The following GRIA3 variants were observed in gnomAD, a reference collection of about 807,000 sequenced individuals.
GRIA3 encodes the protein glutamate ionotropic receptor AMPA type subunit 3, also known as glutamate receptor 3.
GRIA3 carries 3 observed loss-of-function variants against 63.0 expected under a neutral mutation model. The observed-to-expected ratio is 0.05, with a 90% CI of 0.02 to 0.12. The LOEUF is 0.12. Ranked by LOEUF, GRIA3 falls within the 10% of genes least tolerant of loss-of-function variation. GRIA3 has a pLI of 1.00. For synonymous variants in GRIA3, 274 were observed against 257.9 expected (o/e 1.06, Z -0.60); for missense variants, 347 against 700.9 (o/e 0.50, Z 5.70).
intron 2 of GRIA3, among the ~76,000 whole-genome samples, chrX:123,208,228 A>G (rs1927944705): frequency 8.9e-6 from 1 of 112,065 alleles, no homozygotes; most frequent in Non-Finnish European, 1.9e-5. Context: ...TGAAAATATG[A>G]GATTTGAAAA....
intron 12 of GRIA3, among the ~76,000 whole-genome samples, chrX:123,445,482 T>C (rs183018021): frequency 2.5e-3 from 276 of 112,335 alleles, no homozygotes; most frequent in African/African-American, 8.4e-3. Flanking sequence ...TGAAGCTCTT[T>C]TTACTGGTTT....
chrX:123,416,130 C>T lies in GRIA3; in HGVS notation c.1501-1272C>T, dbSNP rs1003012313. ...TAAATGACATAGTAAGTGTAATGTG[C>T]TTAGCAAAGTGCCTCATATAGAATA... On this transcript the variant is annotated intron_variant, in intron 10 of 15. Coordinates refer to ENST00000620443, the MANE Select transcript of GRIA3 (RefSeq NM_007325.5). Among the ~76,000 whole-genome samples the T allele has an allele frequency of 2.7e-5, 3 of 111,718 alleles. No individual in the cohort carries two copies. In the Admixed American group the frequency reaches 2.9e-4, roughly 11 times the overall value.
At chrX:123,403,661 TC>T in intron 9 of GRIA3, 142 bp downstream of exon 9, 1 of 518,534 alleles carries the variant, frequency 1.9e-6, no homozygotes, top group Non-Finnish European at 3.4e-6. Context: ...TCTCAAAGTA[TC>T]TTGCCATGAT....
At chrX:123,358,877 T>C (rs909240431) in intron 5 of GRIA3, 5 of 111,551 alleles carry the variant, frequency 4.5e-5, no homozygotes, top group Non-Finnish European at 7.5e-5. Flanking sequence ...TTTTCACCTA[T>C]GTCAGTAATG....
intron 5 of GRIA3, among the ~76,000 whole-genome samples, chrX:123,376,906 A>C (rs2045288010): frequency 1.0e-5 from 1 of 100,361 alleles, no homozygotes; most frequent in African/African-American, 3.6e-5. Context: ...TCCTCTTCTT[A>C]TCACTCCCCT....
chrX:123,406,736 T>A (rs1490850434), intron 10 of GRIA3, among the ~76,000 whole-genome samples: 1 of 111,199 alleles, frequency 9.0e-6, no homozygotes, highest in African/African-American at 3.3e-5. Flanking sequence ...AAGTGGCAGA[T>A]GAGATTCAAG....
chrX:123,304,339 C>T (rs1454369288), intron 3 of GRIA3, among the ~76,000 whole-genome samples: 7 of 111,796 alleles, frequency 6.3e-5, no homozygotes, highest in African/African-American at 2.3e-4. Flanking sequence ...ACATTTCCCT[C>T]TGGCTTTTAG....
chrX:123,438,498 A>G (rs1292255181), intron 12 of GRIA3, among the ~76,000 whole-genome samples: 1 of 111,999 alleles, frequency 8.9e-6, no homozygotes, highest in Non-Finnish European at 1.9e-5. Context: ...TTGCTGGATC[A>G]TATGTCAATT....
chrX:123,483,720 C>T (rs1387420702), intron 15 of GRIA3, among the ~76,000 whole-genome samples: 1 of 112,067 alleles, frequency 8.9e-6, no homozygotes, highest in Non-Finnish European at 1.9e-5. Context: ...ATCACGCAGT[C>T]AGGAGATCGA....
chrX:123,291,967 T>G (rs992187242), intron 3 of GRIA3, among the ~76,000 whole-genome samples: 3 of 111,380 alleles, frequency 2.7e-5, no homozygotes, highest in African/African-American at 9.8e-5. Context: ...TGCTTGGAGA[T>G]CTGACTTTTG....
At chrX:123,469,282 A>G (rs965775682) in intron 13 of GRIA3, among the ~76,000 whole-genome samples, 1 of 112,120 alleles carries the variant, frequency 8.9e-6, no homozygotes, top group Non-Finnish European at 1.9e-5. Flanking sequence ...CTTCCCTGGC[A>G]TGAGACATTA....
intron 4 of GRIA3, among the ~76,000 whole-genome samples, chrX:123,327,673 C>G (rs750730228): frequency 9.0e-6 from 1 of 111,047 alleles, no homozygotes; most frequent in African/African-American, 3.3e-5. Flanking sequence ...ACTGCTGACT[C>G]TATATCGTAG....
At chrX:123,184,666 G>A in intron 1 of GRIA3, 22 bp downstream of exon 1, 7 of 1,065,568 alleles carry the variant, frequency 6.6e-6, no homozygotes, top group Non-Finnish European at 9.2e-6. Context: ...CGAGCCAGCC[G>A]TCGGTCCAGG....
At position 123,388,012 on chromosome X, in the gene GRIA3, T is replaced by C. The variant is rs2045363225; in HGVS notation, c.751-6956T>C. ...TAGTTTGAGGAGAATTGGTATTAGT[T>C]CTTCTTTGTGAGTTTGGTAGAATTC... On this transcript the variant is annotated intron_variant, in intron 5 of 15. Transcript: ENST00000620443. 2.7e-5 allele frequency among the ~76,000 whole-genome samples: 3 copies of C among 112,087 alleles called. No homozygotes were observed. In the South Asian group the frequency reaches 1.1e-3, roughly 42 times the overall value.
At chrX:123,456,505 T>C (rs1337454998) in intron 12 of GRIA3, among the ~76,000 whole-genome samples, 1 of 111,021 alleles carries the variant, frequency 9.0e-6, no homozygotes, top group Admixed American at 9.6e-5. Context: ...CTTAAAGAAC[T>C]TAATTTCTGT....
At chrX:123,193,077 C>T (rs1927482578) in intron 2 of GRIA3, among the ~76,000 whole-genome samples, 1 of 109,261 alleles carries the variant, frequency 9.2e-6, no homozygotes, top group South Asian at 4.1e-4. Flanking sequence ...ACATTTGGCT[C>T]GTTCTTACTC....
chrX:123,300,872 G>T (rs1362143618), intron 3 of GRIA3, among the ~76,000 whole-genome samples: 3 of 110,748 alleles, frequency 2.7e-5, no homozygotes, highest in South Asian at 3.7e-4. Context: ...TTGTATCTTT[G>T]TTCTCATTAG....
intron 4 of GRIA3, among the ~76,000 whole-genome samples, chrX:123,340,066 T>C (rs1403820159): frequency 2.7e-5 from 3 of 111,824 alleles, no homozygotes; most frequent in Non-Finnish European, 3.8e-5. Flanking sequence ...CAGATTTTAC[T>C]CCAGTGCTCA....
chrX:123,438,881 G>A (rs1010596731), intron 12 of GRIA3, among the ~76,000 whole-genome samples: 10 of 112,321 alleles, frequency 8.9e-5, no homozygotes, highest in African/African-American at 2.9e-4. Context: ...TCTCATTCCT[G>A]TTTAAACAAT....
Sources: allele counts gnomAD v4.1 joint callset (sites outside exome capture counted in the v4.1 genomes callset), GRCh38; gene constraint gnomAD v4.1.1; transcripts MANE v1.5; gene names NCBI Gene and HGNC (gene_info 2026-07-23, HGNC 2026-07-21).